Variants in ARID5B observed in about 807,000 individuals in gnomAD.
The protein encoded by ARID5B is AT-rich interaction domain 5B, also known as AT-rich interactive domain-containing protein 5B.
A neutral mutation model predicts 97.2 loss-of-function variants in ARID5B; 13 were observed. The ratio of observed to expected loss-of-function variants is 0.13; its 90% CI spans 0.09 to 0.21. The LOEUF (loss-of-function observed/expected upper bound fraction) is 0.21, where lower values mean the gene tolerates loss of function less well. ARID5B is among the 10% of genes least tolerant of loss of function. The probability of loss-of-function intolerance (pLI) is 1.00; values close to 1 mark genes in which losing one functional copy is unlikely to be tolerated. For missense variants in ARID5B, 1,210 were observed against 1,465.3 expected, an observed-to-expected ratio of 0.83 and a Z score of 2.84; for synonymous variants, 556 against 570.3, an observed-to-expected ratio of 0.97 and a Z score of 0.36.
At chr10:62,055,909 G>A (rs1264545180) in intron 5 of ARID5B, among the ~76,000 whole-genome samples, 1 of 152,088 alleles carries the variant, frequency 6.6e-6, no homozygotes. Context: ...TCGAAATCCT[G>A]TAATGGACAG....
rs78229949 is a variant in ARID5B, at chr10:61,996,686, C to A, written c.503-3405C>A. On this transcript the variant is annotated intron_variant, in intron 3 of 9. Coordinates refer to ENST00000279873, the MANE Select transcript of ARID5B (RefSeq NM_032199.3). ...GTTTTATTATCAGTACTGGAAATAG[C>A]ATTAATACTTGCTTTCTAAATGGGG... Among the ~76,000 whole-genome samples, 837 of 152,130 alleles carry A rather than the reference C, an allele frequency of 5.5e-3. 6 individuals are homozygous for A. The highest frequency in any genetic ancestry group is 0.048 in the Middle Eastern group (14 of 292).
At chr10:62,018,264 G>A (rs1434685732) in intron 4 of ARID5B, among the ~76,000 whole-genome samples, 2 of 152,188 alleles carry the variant, frequency 1.3e-5, no homozygotes, top group Non-Finnish European at 2.9e-5. Context: ...GGTTGGCAGA[G>A]AAAAGGAGAG....
At chr10:62,090,082 T>A (rs1840348204) in intron 9 of ARID5B, among the ~76,000 whole-genome samples, 2 of 152,208 alleles carry the variant, frequency 1.3e-5, no homozygotes, top group African/African-American at 4.8e-5. Context: ...AAGGAGTGTG[T>A]CTGTCTCATT....
At chr10:61,955,312 C>A (rs948627726) in intron 3 of ARID5B, among the ~76,000 whole-genome samples, 4 of 152,092 alleles carry the variant, frequency 2.6e-5, no homozygotes, top group African/African-American at 7.2e-5. Context: ...GGAGTACTGG[C>A]AATTAAGTGT....
In ARID5B at chr10:62,092,123, T is replaced by A; in HGVS notation, c.2660T>A (p.Leu887Gln). 1.9e-6 allele frequency: 3 copies of A among 1,609,996 alleles called. No homozygotes were observed. The highest frequency in any genetic ancestry group is 2.5e-6 in the Non-Finnish European group (3 of 1,178,634). The change falls in exon 10 of 10, where the codon CTG (leucine) becomes CAG (glutamine). Residue 887 changes from leucine to glutamine, a missense_variant. Physicochemically the swap from Leu to Gln is moderately radical, Grantham distance 113 (BLOSUM62 -2). This residue lies in a region of ARID5B where 800 missense variants were observed against 839.1 expected (regional missense o/e 0.95). Transcript: ENST00000279873. ...CTCCATGTAAATTATCTCACGTCCCTGCACCTGCAAGACAAAAAGTCGGCG... is the reference window on the plus strand; with the variant it reads ...CTCCATGTAAATTATCTCACGTCCCAGCACCTGCAAGACAAAAAGTCGGCG... ...EKLHVNYLTSLHLQDKKSAAA... is the reference protein window; with the variant it reads ...EKLHVNYLTSQHLQDKKSAAA...
intron 4 of ARID5B, among the ~76,000 whole-genome samples, chr10:62,007,265 A>T (rs1035002287): frequency 6.6e-6 from 1 of 152,172 alleles, no homozygotes; most frequent in Non-Finnish European, 1.5e-5. Flanking sequence ...AGATGGATAT[A>T]AGTTCCTTGA....
At chr10:61,923,046 C>T (rs1396759083) in intron 2 of ARID5B, among the ~76,000 whole-genome samples, 3 of 151,988 alleles carry the variant, frequency 2.0e-5, no homozygotes, top group Non-Finnish European at 4.4e-5. Context: ...GGGGTGGCTT[C>T]CATGTTAAAC....
At chr10:61,901,840 A>C in intron 1 of ARID5B, 110 bp downstream of exon 1, 1 of 796,080 alleles carries the variant, frequency 1.3e-6, no homozygotes, top group Non-Finnish European at 2.0e-6. Context: ...ACTTTTCACC[A>C]AACTTTTACC....
intron 3 of ARID5B, among the ~76,000 whole-genome samples, chr10:61,953,228 T>G (rs1838347481): frequency 6.6e-6 from 1 of 152,180 alleles, no homozygotes; most frequent in Admixed American, 6.5e-5. Context: ...TGTTAGGCCT[T>G]ACAAAAACAA....
intron 5 of ARID5B, among the ~76,000 whole-genome samples, chr10:62,054,410 A>G (rs1839829110): frequency 6.6e-6 from 1 of 152,166 alleles, no homozygotes; most frequent in Admixed American, 6.5e-5. Context: ...AAAAATATCA[A>G]GCTAGAACAA....
At chr10:61,993,333 T>C (rs569654973) in intron 3 of ARID5B, among the ~76,000 whole-genome samples, 3 of 152,332 alleles carry the variant, frequency 2.0e-5, no homozygotes, top group Admixed American at 2.0e-4. Flanking sequence ...ATAAAGTTGA[T>C]GTACAACTTT....
chr10:61,998,139 C>A (rs1839026879), intron 3 of ARID5B, among the ~76,000 whole-genome samples: 1 of 152,226 alleles, frequency 6.6e-6, no homozygotes, highest in Admixed American at 6.5e-5. Context: ...GGAAAAGCCG[C>A]CAGCCTGAGG....
At chr10:62,088,265 C>G (rs1175779315) in intron 9 of ARID5B, among the ~76,000 whole-genome samples, 1 of 152,178 alleles carries the variant, frequency 6.6e-6, no homozygotes, top group Non-Finnish European at 1.5e-5. Flanking sequence ...TTCCTTGATA[C>G]TTTTGGCCTG....
chr10:62,088,914 A>T (rs1418707103), intron 9 of ARID5B, among the ~76,000 whole-genome samples: 1 of 152,198 alleles, frequency 6.6e-6, no homozygotes, highest in Non-Finnish European at 1.5e-5. Context: ...TTAACATACT[A>T]AGCAGATCAT....
chr10:61,915,935 T>A (rs1843895258), intron 2 of ARID5B, among the ~76,000 whole-genome samples: 1 of 152,216 alleles, frequency 6.6e-6, no homozygotes, highest in Non-Finnish European at 1.5e-5. Flanking sequence ...TTTGTATTTC[T>A]AGTAGAGACT....
intron 8 of ARID5B, among the ~76,000 whole-genome samples, chr10:62,084,766 C>G (rs939528190): frequency 2.6e-5 from 4 of 152,164 alleles, no homozygotes; most frequent in African/African-American, 9.7e-5. Context: ...TGATGTTTCT[C>G]TTTTTAGAGC....
At chr10:62,077,550 C>T (rs1840154943) in intron 8 of ARID5B, among the ~76,000 whole-genome samples, 2 of 152,034 alleles carry the variant, frequency 1.3e-5, no homozygotes, top group Non-Finnish European at 2.9e-5. Flanking sequence ...GCTTGCCAAA[C>T]AGCAGTTTTT....
chr10:62,057,422 G>T (rs541010779), intron 6 of ARID5B, 104 bp downstream of exon 6: 50 of 1,168,362 alleles, frequency 4.3e-5, no homozygotes, highest in Non-Finnish European at 6.0e-5. Flanking sequence ...CTAATCTGGG[G>T]ATAGTGCTCT....
At chr10:61,917,038 T>C (rs999485939) in intron 2 of ARID5B, among the ~76,000 whole-genome samples, 3 of 152,052 alleles carry the variant, frequency 2.0e-5, no homozygotes, top group Admixed American at 2.0e-4. Flanking sequence ...CCATGGCACA[T>C]GCCTGTAATC....
Sources: gnomAD v4.1 joint callset for allele counts (sites outside exome capture counted in the v4.1 genomes callset) on GRCh38, gnomAD v4.1.1 for gene constraint, gnomAD v4.1.1 regional missense constraint, MANE v1.5 for transcripts, NCBI Gene and HGNC (gene_info 2026-07-23, HGNC 2026-07-21) for gene names.